Variants in NFAT5 observed in about 807,000 individuals in gnomAD.
NFAT5 encodes nuclear factor of activated T cells 5, also known as nuclear factor of activated T-cells 5.
Under a neutral mutation model 166.5 loss-of-function variants are expected in NFAT5, and 31 were observed. The observed-to-expected ratio is 0.19, with a 90% CI of 0.14 to 0.25. NFAT5 has a LOEUF of 0.25. Among genes scored for constraint, NFAT5 ranks in the 10% least tolerant of loss-of-function variants. The pLI is 1.00. For synonymous variants in NFAT5, 612 were observed against 639.7 expected (o/e 0.96, Z 0.65); for missense variants, 1,449 against 1,821.8 (o/e 0.80, Z 3.72).
chr16:69,656,019 G>C (rs1188876714), intron 6 of NFAT5, among the ~76,000 whole-genome samples: 2 of 152,158 alleles, frequency 1.3e-5, no homozygotes, highest in Non-Finnish European at 2.9e-5. Flanking sequence ...AGTGGCTCAT[G>C]CCTATAATCC....
chr16:69,585,173 A>AT (rs966739023), intron 2 of NFAT5, among the ~76,000 whole-genome samples: 14 of 150,248 alleles, frequency 9.3e-5, no homozygotes, highest in Non-Finnish European at 1.5e-4. Context: ...AATTATTATT[A>AT]TTTTTTTTTG....
intron 2 of NFAT5, among the ~76,000 whole-genome samples, chr16:69,593,615 T>C: frequency 6.6e-6 from 1 of 152,036 alleles, no homozygotes; most frequent in Non-Finnish European, 1.5e-5. Context: ...ATGCCCGGCC[T>C]AGTTACATTT....
At chr16:69,655,447 A>T (rs2304526) in intron 5 of NFAT5, among the ~76,000 whole-genome samples, 162 bp from the exon 6 acceptor site, 1 of 151,932 alleles carries the variant, frequency 6.6e-6, no homozygotes, top group South Asian at 2.1e-4. Flanking sequence ...AATTTAGCCA[A>T]CTCTTTTATG....
At chr16:69,595,390 T>C (rs2032733385) in intron 2 of NFAT5, among the ~76,000 whole-genome samples, 1 of 152,140 alleles carries the variant, frequency 6.6e-6, no homozygotes, top group South Asian at 2.1e-4. Flanking sequence ...TCTGTGTCAG[T>C]CATTTTAGGG....
intron 2 of NFAT5, among the ~76,000 whole-genome samples, chr16:69,571,860 C>T (rs1397879095): frequency 1.3e-5 from 2 of 152,076 alleles, no homozygotes; most frequent in Admixed American, 6.5e-5. Flanking sequence ...CCTGGGTTCA[C>T]GCCATTCTCC....
In NFAT5 at chr16:69,595,377, G is replaced by T. The variant is rs144054813; in HGVS notation, c.127+26829G>T. On this transcript the variant is annotated intron_variant, in intron 2 of 14. Coordinates refer to ENST00000349945, the MANE Select transcript of NFAT5 (RefSeq NM_138713.4). ...GCTACTGTTGACCTTCTGTATTCCC[G>T]AATCTGTGTCAGTCATTTTAGGGGA... Among the ~76,000 whole-genome samples, 18 of 152,230 alleles carry T rather than the reference G, an allele frequency of 1.2e-4. 1 individual carries two copies. In the East Asian group the frequency reaches 3.3e-3, roughly 28 times the overall value.
chr16:69,654,217 TAGGG>T (rs2035790901), intron 5 of NFAT5, among the ~76,000 whole-genome samples: 2 of 152,248 alleles, frequency 1.3e-5, no homozygotes, highest in African/African-American at 2.4e-5. Context: ...AAATACTAAA[TAGGG>T]AGGAATTTTG....
At chr16:69,676,553 C>A (rs1057235352) in intron 9 of NFAT5, among the ~76,000 whole-genome samples, 1 of 152,084 alleles carries the variant, frequency 6.6e-6, no homozygotes, top group South Asian at 2.1e-4. Context: ...TCAATATGTA[C>A]CTTATGTAAG....
intron 4 of NFAT5, chr16:69,648,906 A>C: frequency 1.0e-6 from 1 of 958,338 alleles, no homozygotes; most frequent in Non-Finnish European, 1.2e-6. Context: ...CCCTCAGTAC[A>C]TTTTAAAAAG....
chr16:69,666,441 C>T (rs901002420), intron 7 of NFAT5, among the ~76,000 whole-genome samples: 5 of 151,270 alleles, frequency 3.3e-5, no homozygotes, highest in African/African-American at 1.2e-4. Flanking sequence ...GGCTAATATC[C>T]AGAATCTACA....
intron 2 of NFAT5, among the ~76,000 whole-genome samples, chr16:69,589,045 A>C (rs567482593): frequency 6.8e-5 from 8 of 118,046 alleles, no homozygotes; most frequent in African/African-American, 2.3e-4. Context: ...CCCAGGCTGG[A>C]GTGCAATGGC....
intron 7 of NFAT5, among the ~76,000 whole-genome samples, chr16:69,660,678 A>T (rs2036084002): frequency 6.6e-6 from 1 of 152,126 alleles, no homozygotes; most frequent in African/African-American, 2.4e-5. Flanking sequence ...ATAGAAAATG[A>T]TGTGTGCGTG....
chr16:69,579,577 A>G (rs1203612239), intron 2 of NFAT5, among the ~76,000 whole-genome samples: 1 of 152,230 alleles, frequency 6.6e-6, no homozygotes, highest in Non-Finnish European at 1.5e-5. Context: ...TATGGTAAAT[A>G]AAAACTAAAA....
intron 2 of NFAT5, among the ~76,000 whole-genome samples, chr16:69,623,885 A>C (rs1405888384): frequency 6.6e-6 from 1 of 151,446 alleles, no homozygotes; most frequent in East Asian, 1.9e-4. Context: ...AGATTCAATA[A>C]AAAGAGAAGA....
chr16:69,624,469 T>G (rs1282772563), intron 2 of NFAT5, among the ~76,000 whole-genome samples: 1 of 152,102 alleles, frequency 6.6e-6, no homozygotes, highest in Non-Finnish European at 1.5e-5. Flanking sequence ...GGCCTCCCAG[T>G]GTTGGGATTA....
At chr16:69,622,958 C>T (rs973888579) in intron 2 of NFAT5, among the ~76,000 whole-genome samples, 2 of 152,050 alleles carry the variant, frequency 1.3e-5, no homozygotes, top group Non-Finnish European at 2.9e-5. Flanking sequence ...CCAGCCTGAC[C>T]AACATGGAGA....
At chr16:69,567,074 T>G (rs2016108045) in intron 1 of NFAT5, among the ~76,000 whole-genome samples, 2 of 152,142 alleles carry the variant, frequency 1.3e-5, no homozygotes, top group South Asian at 4.1e-4. Context: ...TTCTCCCTTC[T>G]CCTTTACAAA....
intron 4 of NFAT5, among the ~76,000 whole-genome samples, chr16:69,651,264 T>G (rs1294928368): frequency 2.0e-5 from 3 of 152,244 alleles, no homozygotes; most frequent in Non-Finnish European, 4.4e-5. Flanking sequence ...ATAAAGATGA[T>G]TAAGCACAGT....
intron 3 of NFAT5, among the ~76,000 whole-genome samples, chr16:69,638,108 A>C (rs1336074824): frequency 6.6e-6 from 1 of 151,892 alleles, no homozygotes; most frequent in Non-Finnish European, 1.5e-5. Flanking sequence ...AATTCCAGCT[A>C]CTCTGGAGTC....
Sources: gnomAD v4.1 joint callset for allele counts (sites outside exome capture counted in the v4.1 genomes callset) on GRCh38, gnomAD v4.1.1 for gene constraint, MANE v1.5 for transcripts, NCBI Gene and HGNC (gene_info 2026-07-23, HGNC 2026-07-21) for gene names.